Variants in RELL1 observed in about 807,000 individuals in gnomAD.
RELL1 encodes the protein RELT like 1.
Under a neutral mutation model 23.0 loss-of-function variants are expected in RELL1, and 10 were observed. The ratio of observed to expected loss-of-function variants is 0.43; its 90% CI spans 0.27 to 0.74. RELL1 has a LOEUF of 0.74. RELL1 is among the 30% of genes least tolerant of loss of function. The probability of loss-of-function intolerance (pLI) is 0.19; values close to 1 mark genes in which losing one functional copy is unlikely to be tolerated. For synonymous variants in RELL1, 146 were observed against 146.8 expected, an observed-to-expected ratio of 0.99 and a Z score of 0.04; for missense variants, 315 against 364.4, an observed-to-expected ratio of 0.86 and a Z score of 1.10.
chr4:37,638,372 G>A, intron 4 of RELL1, 75 bp downstream of exon 4: 1 of 1,155,124 alleles, frequency 8.7e-7, no homozygotes. Context: ...TAGCAGAAGA[G>A]CATTTCAGAT....
chr4:37,655,909 C>T (rs1221537135), intron 1 of RELL1, among the ~76,000 whole-genome samples: 1 of 152,174 alleles, frequency 6.6e-6, no homozygotes, highest in African/African-American at 2.4e-5. Context: ...GAAGGAACTG[C>T]AAAATGGTGC....
chr4:37,629,415 G>C (rs1355358701), intron 6 of RELL1, among the ~76,000 whole-genome samples: 1 of 152,184 alleles, frequency 6.6e-6, no homozygotes, highest in Admixed American at 6.5e-5. Context: ...CCCATTTGGA[G>C]AGGTTTATAA....
intron 6 of RELL1, among the ~76,000 whole-genome samples, chr4:37,604,665 A>G (rs991281565): frequency 9.9e-5 from 15 of 152,252 alleles, no homozygotes; most frequent in African/African-American, 3.6e-4. Flanking sequence ...AATGAGTCAC[A>G]TTACCATGCA....
downstream of RELL1, among the ~76,000 whole-genome samples, chr4:37,608,611 C>A (rs1313925677): frequency 6.6e-6 from 1 of 151,836 alleles, no homozygotes; most frequent in African/African-American, 2.4e-5. Flanking sequence ...AGGTTGGAAG[C>A]CAGCAGACGT....
intron 1 of RELL1, among the ~76,000 whole-genome samples, chr4:37,684,870 T>C (rs1009771358): frequency 2.0e-5 from 3 of 152,264 alleles, no homozygotes; most frequent in Middle Eastern, 6.8e-3. Context: ...GGAGAATCAC[T>C]TGAACCAGAG....
chr4:37,642,767 G>A (rs999050824), intron 3 of RELL1, among the ~76,000 whole-genome samples: 1 of 152,208 alleles, frequency 6.6e-6, no homozygotes, highest in African/African-American at 2.4e-5. Context: ...GGGACCTCAG[G>A]AAAGTCAGAG....
At chr4:37,640,857 T>C (rs993468117) in intron 3 of RELL1, among the ~76,000 whole-genome samples, 2 of 152,270 alleles carry the variant, frequency 1.3e-5, no homozygotes, top group African/African-American at 4.8e-5. Context: ...AAACTTACTC[T>C]GCCAACATTT....
intron 6 of RELL1, among the ~76,000 whole-genome samples, chr4:37,603,049 G>A (rs1303002218): frequency 1.3e-5 from 2 of 152,240 alleles, no homozygotes; most frequent in Non-Finnish European, 2.9e-5. Flanking sequence ...GCTAATGGTA[G>A]TCTTTCGTTT....
chr4:37,589,376 G>A (rs1165381255), downstream of RELL1, among the ~76,000 whole-genome samples: 2 of 152,048 alleles, frequency 1.3e-5, no homozygotes, highest in Non-Finnish European at 2.9e-5. Flanking sequence ...GTATTCCACT[G>A]TAATCATACT....
chr4:37,671,920 TAC>T (rs748261771), intron 1 of RELL1, among the ~76,000 whole-genome samples: 1 of 152,092 alleles, frequency 6.6e-6, no homozygotes, highest in Non-Finnish European at 1.5e-5. Context: ...CACTTATGAT[TAC>T]AGTTTTATTA....
chr4:37,673,822 G>A (rs75594269), intron 1 of RELL1, among the ~76,000 whole-genome samples: 4,289 of 152,088 alleles, frequency 0.028, 78 homozygotes, highest in East Asian at 0.058. Context: ...CCTATCCTCC[G>A]CAACTACACA....
chr4:37,633,173 C>A (rs1720198947), intron 5 of RELL1, among the ~76,000 whole-genome samples: 1 of 152,112 alleles, frequency 6.6e-6, no homozygotes, highest in East Asian at 1.9e-4. Context: ...CTTTGGGAGG[C>A]CAAGACAGGT....
At chr4:37,649,954 T>C (rs959376716) in intron 1 of RELL1, among the ~76,000 whole-genome samples, 2 of 152,224 alleles carry the variant, frequency 1.3e-5, no homozygotes, top group Non-Finnish European at 2.9e-5. Flanking sequence ...TCAAGTTCAA[T>C]TCCCAGCTCC....
rs1553872212 is a variant in RELL1, at chr4:37,612,322, T to TAAAAA, written c.*1019_*1023dup. Among the ~76,000 whole-genome samples the TAAAAA allele has an allele frequency of 1.2e-4, 10 of 83,494 alleles. No homozygotes were observed. Among genetic ancestry groups the TAAAAA allele is most frequent in the African/African-American group, 4.0e-4 (7 of 17,540 alleles). 54.8% of individuals were successfully genotyped at this position (83,494 alleles called of 152,430 possible). ...AACCAAGAATCGCTCAGCTAAAGGT[T>TAAAAA]AAAAAAAAAAAAAAAACAAAAAAAA... On this transcript the variant is annotated 3_prime_UTR_variant, in exon 7 of 7. Coordinates refer to ENST00000454158, the MANE Select transcript of RELL1 (RefSeq NM_001085400.2).
chr4:37,628,377 G>A (rs1014818188), intron 6 of RELL1, among the ~76,000 whole-genome samples: 8 of 152,074 alleles, frequency 5.3e-5, no homozygotes, highest in African/African-American at 1.2e-4. Flanking sequence ...ATAGACTGCC[G>A]TGGCGAGGAT....
At chr4:37,600,285 A>T (rs28638770) in intron 6 of RELL1, among the ~76,000 whole-genome samples, 60,218 of 150,066 alleles carry the variant, frequency 0.4, 13,354 homozygotes, top group Non-Finnish European at 0.49. Context: ...AAAAAAAAAA[A>T]AAAAAAGTTA....
At chr4:37,613,493 C>T (rs1023751636) in intron 6 of RELL1, among the ~76,000 whole-genome samples, 151 bp from the exon 7 acceptor site, 2 of 151,254 alleles carry the variant, frequency 1.3e-5, no homozygotes, top group African/African-American at 4.8e-5. Flanking sequence ...TACCACTGTA[C>T]ATTTTTTTCT....
chr4:37,602,024 G>A (rs1308276416), intron 6 of RELL1, among the ~76,000 whole-genome samples: 1 of 151,786 alleles, frequency 6.6e-6, no homozygotes, highest in Non-Finnish European at 1.5e-5. Context: ...GACCAGCCTG[G>A]GCAACGTGAA....
chr4:37,654,005 C>T (rs907899563), intron 1 of RELL1, among the ~76,000 whole-genome samples: 2 of 152,128 alleles, frequency 1.3e-5, no homozygotes, highest in African/African-American at 2.4e-5. Context: ...TTGTTTTCAC[C>T]CACTAAGCTT....
Sources: allele counts gnomAD v4.1 joint callset (sites outside exome capture counted in the v4.1 genomes callset), GRCh38; gene constraint gnomAD v4.1.1; transcripts MANE v1.5; gene names NCBI Gene and HGNC (gene_info 2026-07-23, HGNC 2026-07-21).